LRRC7: variants seen among roughly 807,000 people sequenced by gnomAD.
LRRC7 encodes the protein leucine-rich repeat-containing protein 7.
A neutral mutation model predicts 175.7 loss-of-function variants in LRRC7; 23 were observed. The observed-to-expected ratio is 0.13, with a 90% confidence interval of 0.09 to 0.19. The LOEUF (loss-of-function observed/expected upper bound fraction) is 0.19, where lower values mean the gene tolerates loss of function less well. Among genes scored for constraint, LRRC7 ranks in the 10% least tolerant of loss-of-function variants. LRRC7 has a pLI of 1.00. For missense variants in LRRC7, 1,354 were observed against 1,904.7 expected (o/e 0.71, Z 5.38); for synonymous variants, 685 against 680.9 (o/e 1.01, Z -0.09).
chr1:69,780,028 C>T (rs1197153596), intron 3 of LRRC7, among the ~76,000 whole-genome samples: 1 of 152,190 alleles, frequency 6.6e-6, no homozygotes, highest in South Asian at 2.1e-4. Flanking sequence ...ACTCTGCTCA[C>T]TTCTACTAAC....
At chr1:69,777,381 T>C (rs1189692158) in intron 3 of LRRC7, among the ~76,000 whole-genome samples, 1 of 152,222 alleles carries the variant, frequency 6.6e-6, no homozygotes, top group Non-Finnish European at 1.5e-5. Context: ...CATTTGTATC[T>C]TTTACAATGC....
chr1:69,717,793 AG>A (rs1665590044), intron 2 of LRRC7, among the ~76,000 whole-genome samples: 1 of 34,680 alleles, frequency 2.9e-5, no homozygotes, highest in Non-Finnish European at 5.2e-5. Flanking sequence ...AAAGAAAGAA[AG>A]AAAGAAAGAA....
At chr1:69,578,017 G>A (rs555958627) in intron 1 of LRRC7, among the ~76,000 whole-genome samples, 1 of 152,008 alleles carries the variant, frequency 6.6e-6, no homozygotes, top group Non-Finnish European at 1.5e-5. Flanking sequence ...CTACAAAATG[G>A]GAGAAAATTT....
chr1:70,124,488 G>T lies in LRRC7; in HGVS notation c.*2601G>T, dbSNP rs1194311167. 6.6e-6 allele frequency among the ~76,000 whole-genome samples: 1 copy of T among 152,128 alleles called. No homozygotes were observed. Among genetic ancestry groups the T allele is most frequent in the African/African-American group, 2.4e-5 (1 of 41,420 alleles). On this transcript the variant is annotated 3_prime_UTR_variant, in exon 27 of 27. Transcript: ENST00000651989. ...TGCAGTGAGCTGAGATTGTGCCACTGCACTCCGGCCTGGGCAACAGAGCGA... is the reference window on the plus strand; with the variant it reads ...TGCAGTGAGCTGAGATTGTGCCACTTCACTCCGGCCTGGGCAACAGAGCGA...
intron 7 of LRRC7, among the ~76,000 whole-genome samples, chr1:69,888,872 G>A (rs914651284): frequency 1.1e-4 from 17 of 152,096 alleles, no homozygotes; most frequent in African/African-American, 4.1e-4. Flanking sequence ...AGAATATATT[G>A]AGTACTTGAA....
At chr1:70,027,202 A>G (rs979377522) in intron 17 of LRRC7, among the ~76,000 whole-genome samples, 1 of 152,150 alleles carries the variant, frequency 6.6e-6, no homozygotes, top group Non-Finnish European at 1.5e-5. Context: ...GCAAAACAGT[A>G]TTGTTGGAAC....
chr1:69,773,481 G>C (rs373060044), intron 3 of LRRC7, among the ~76,000 whole-genome samples: 2 of 151,964 alleles, frequency 1.3e-5, no homozygotes, highest in African/African-American at 4.8e-5. Context: ...GAGAGAGTGG[G>C]GTACATGAAA....
At chr1:69,731,114 A>G (rs542624517) in intron 2 of LRRC7, among the ~76,000 whole-genome samples, 51 of 152,140 alleles carry the variant, frequency 3.4e-4, no homozygotes, top group African/African-American at 1.2e-3. Flanking sequence ...ATCTTATGCT[A>G]ATGCAGTGAA....
At chr1:70,059,387 A>G (rs1661398289) in intron 23 of LRRC7, among the ~76,000 whole-genome samples, 1 of 151,896 alleles carries the variant, frequency 6.6e-6, no homozygotes, top group Non-Finnish European at 1.5e-5. Flanking sequence ...CTACAATATC[A>G]GTTCAGCTAT....
At chr1:70,053,581 C>CT (rs1238117105) in intron 23 of LRRC7, among the ~76,000 whole-genome samples, 1 of 152,002 alleles carries the variant, frequency 6.6e-6, no homozygotes, top group Admixed American at 6.6e-5. Flanking sequence ...GTGTGGAGCA[C>CT]TTGCTAGATA....
intron 8 of LRRC7, among the ~76,000 whole-genome samples, chr1:69,933,512 T>C (rs1204155466): frequency 6.6e-6 from 1 of 152,158 alleles, no homozygotes. Flanking sequence ...AGCCTAATAA[T>C]TGAAAAACAT....
intron 4 of LRRC7, among the ~76,000 whole-genome samples, chr1:69,815,995 A>T (rs939355841): frequency 6.8e-6 from 1 of 146,098 alleles, no homozygotes; most frequent in African/African-American, 2.6e-5. Flanking sequence ...TTTATTTACT[A>T]TTTGAGACCT....
intron 25 of LRRC7, among the ~76,000 whole-genome samples, chr1:70,094,610 T>C (rs1664258700): frequency 6.6e-6 from 1 of 152,152 alleles, no homozygotes; most frequent in South Asian, 2.1e-4. Flanking sequence ...CCCTCCTCTT[T>C]TCACTCCATT....
chr1:70,129,508 A>G lies in LRRC7; in HGVS notation c.*7621A>G, dbSNP rs1016204977. Reference sequence around the variant, plus strand: ...GCCCCTGACGTTACGGGAGAAGGAGATGGAATTCAACACTTTAAAAAGTGT... The same window carrying G: ...GCCCCTGACGTTACGGGAGAAGGAGGTGGAATTCAACACTTTAAAAAGTGT... On this transcript the variant is annotated 3_prime_UTR_variant, in exon 27 of 27. Transcript: ENST00000651989. Among the ~76,000 whole-genome samples, 4 of 152,062 alleles carry G rather than the reference A, an allele frequency of 2.6e-5. No homozygotes were observed. Among genetic ancestry groups the G allele is most frequent in the African/African-American group, 7.2e-5 (3 of 41,388 alleles).
intron 3 of LRRC7, 68 bp from the exon 4 acceptor site, chr1:69,791,975 T>A (rs920408459): frequency 9.6e-6 from 10 of 1,044,034 alleles, no homozygotes; most frequent in Non-Finnish European, 1.5e-5. Context: ...TGACTTTAAT[T>A]TTGTTACTGA....
chr1:69,684,522 C>T (rs1440807052), intron 2 of LRRC7, among the ~76,000 whole-genome samples: 7 of 152,124 alleles, frequency 4.6e-5, no homozygotes, highest in Admixed American at 4.6e-4. Flanking sequence ...TTTCCTGATA[C>T]TCAATTCTAA....
At chr1:70,068,479 A>T (rs1662137317) in intron 23 of LRRC7, among the ~76,000 whole-genome samples, 1 of 152,050 alleles carries the variant, frequency 6.6e-6, no homozygotes, top group Admixed American at 6.6e-5. Context: ...CATTCTTTTT[A>T]TATATTGCTA....
chr1:69,884,953 A>T (rs1320086896), intron 7 of LRRC7, among the ~76,000 whole-genome samples: 2 of 149,846 alleles, frequency 1.3e-5, no homozygotes, highest in African/African-American at 2.5e-5. Flanking sequence ...GCCTTGCATC[A>T]CAGGGATGAA....
chr1:69,951,985 A>G (rs1649987774), intron 8 of LRRC7, among the ~76,000 whole-genome samples: 1 of 152,094 alleles, frequency 6.6e-6, no homozygotes, highest in Non-Finnish European at 1.5e-5. Flanking sequence ...TATAGATTTG[A>G]AACTTAGTAA....
Sources: allele counts gnomAD v4.1 joint callset (sites outside exome capture counted in the v4.1 genomes callset), GRCh38; gene constraint gnomAD v4.1.1; transcripts MANE v1.5; gene names NCBI Gene and HGNC (gene_info 2026-07-23, HGNC 2026-07-21).